MTUS2: variants seen among roughly 807,000 people sequenced by gnomAD.
The protein encoded by MTUS2 is microtubule associated scaffold protein 2, also known as microtubule-associated tumor suppressor candidate 2.
In MTUS2, 40 loss-of-function variants were observed where a neutral mutation model predicts 114.1. The observed-to-expected ratio is 0.35, with a 90% CI of 0.27 to 0.46. The LOEUF (loss-of-function observed/expected upper bound fraction) is 0.46, where lower values mean the gene tolerates loss of function less well. MTUS2 is among the 20% of genes least tolerant of loss of function. MTUS2 has a pLI of 1.00. For missense variants in MTUS2, 1,679 were observed against 1,705.4 expected (o/e 0.98, Z 0.27); for synonymous variants, 688 against 672.0 (o/e 1.02, Z -0.37).
intron 9 of MTUS2, among the ~76,000 whole-genome samples, chr13:29,477,791 G>C (rs769383499): frequency 2.0e-5 from 3 of 151,696 alleles, no homozygotes; most frequent in African/African-American, 4.8e-5. Flanking sequence ...ATATATAATT[G>C]GTCCATTTTG....
chr13:29,014,883 C>T (rs563152823), intron 2 of MTUS2, among the ~76,000 whole-genome samples: 11 of 152,266 alleles, frequency 7.2e-5, no homozygotes, highest in African/African-American at 1.4e-4. Flanking sequence ...GAGCAAAGTC[C>T]GGGAGCATGG....
At chr13:28,896,706 A>G (rs1837573460) in intron 2 of MTUS2, among the ~76,000 whole-genome samples, 2 of 152,250 alleles carry the variant, frequency 1.3e-5, no homozygotes, top group African/African-American at 4.8e-5. Flanking sequence ...AAACAGAGAT[A>G]TAGACCAATG....
At chr13:28,920,317 A>G (rs1880973253) in intron 2 of MTUS2, among the ~76,000 whole-genome samples, 1 of 152,238 alleles carries the variant, frequency 6.6e-6, no homozygotes, top group South Asian at 2.1e-4. Flanking sequence ...TTGCAGACAC[A>G]TAGAGGTGCT....
At chr13:29,473,623 TA>T (rs1223843151) in intron 9 of MTUS2, among the ~76,000 whole-genome samples, 1 of 152,238 alleles carries the variant, frequency 6.6e-6, no homozygotes, top group Non-Finnish European at 1.5e-5. Flanking sequence ...TAGGTATTTT[TA>T]TATCAGATGT....
intron 8 of MTUS2, among the ~76,000 whole-genome samples, chr13:29,418,460 G>A (rs1332995712): frequency 1.3e-5 from 2 of 152,164 alleles, no homozygotes; most frequent in Non-Finnish European, 1.5e-5. Flanking sequence ...TGCTCATACA[G>A]ATCAAGTAAG....
At chr13:29,222,147 G>A (rs1054863939) in intron 5 of MTUS2, among the ~76,000 whole-genome samples, 3 of 152,182 alleles carry the variant, frequency 2.0e-5, no homozygotes, top group Non-Finnish European at 2.9e-5. Flanking sequence ...ATAACTGGCA[G>A]TTCAGGAACT....
chr13:28,935,006 G>GTTTTTTTTTTTTTTTTTT (rs775863792), intron 2 of MTUS2, among the ~76,000 whole-genome samples: 2 of 41,438 alleles, frequency 4.8e-5, no homozygotes, highest in African/African-American at 2.5e-4. Flanking sequence ...TCTCCATAGC[G>GTTTTTTTTTTTTTTTTTT]TTTTTTTTTT....
intron 4 of MTUS2, among the ~76,000 whole-genome samples, chr13:29,075,811 A>G (rs902001627): frequency 6.6e-6 from 1 of 152,206 alleles, no homozygotes; most frequent in Non-Finnish European, 1.5e-5. Flanking sequence ...ATCATTGCCT[A>G]GAAGTCATTT....
intron 5 of MTUS2, among the ~76,000 whole-genome samples, chr13:29,202,072 T>C (rs1894981967): frequency 6.6e-6 from 1 of 152,200 alleles, no homozygotes; most frequent in African/African-American, 2.4e-5. Flanking sequence ...TTGAGGAAGT[T>C]CTCCTGAATA....
intron 7 of MTUS2, among the ~76,000 whole-genome samples, chr13:29,336,423 G>T (rs1204091386): frequency 6.6e-6 from 1 of 152,144 alleles, no homozygotes; most frequent in Non-Finnish European, 1.5e-5. Flanking sequence ...ACTAGAGTTT[G>T]CTGGAGGTCC....
intron 2 of MTUS2, among the ~76,000 whole-genome samples, chr13:28,922,786 G>T (rs1171596389): frequency 4.6e-5 from 7 of 152,212 alleles, no homozygotes; most frequent in African/African-American, 1.2e-4. Flanking sequence ...TTAAAACCAG[G>T]TACTATGAGT....
chr13:29,389,680 T>C (rs1272136142), intron 8 of MTUS2, among the ~76,000 whole-genome samples: 1 of 144,974 alleles, frequency 6.9e-6, no homozygotes, highest in African/African-American at 2.6e-5. Flanking sequence ...TATATACATA[T>C]ATGTATGTAT....
At chr13:29,128,029 C>T (rs570635961) in intron 5 of MTUS2, among the ~76,000 whole-genome samples, 1 of 152,136 alleles carries the variant, frequency 6.6e-6, no homozygotes, top group Non-Finnish European at 1.5e-5. Flanking sequence ...AATGGAGGTG[C>T]GTACAGAGGA....
chr13:29,014,117 G>T (rs137989156), intron 2 of MTUS2, among the ~76,000 whole-genome samples: 5 of 151,986 alleles, frequency 3.3e-5, no homozygotes, highest in Admixed American at 2.6e-4. Flanking sequence ...TGCTTTTCTC[G>T]CCTCCCTAAC....
At chr13:29,048,194 A>T (rs188172162) in intron 4 of MTUS2, among the ~76,000 whole-genome samples, 11 of 152,132 alleles carry the variant, frequency 7.2e-5, no homozygotes, top group Admixed American at 3.3e-4. Flanking sequence ...AAACATTGAC[A>T]TTTTTTTCTC....
chr13:29,276,747 C>A (rs553441090), intron 5 of MTUS2, among the ~76,000 whole-genome samples: 4 of 151,994 alleles, frequency 2.6e-5, no homozygotes, highest in African/African-American at 9.6e-5. Context: ...AAAATACAAA[C>A]ATTAGCCAGC....
chr13:28,835,115 A>G (rs1296531023), intron 1 of MTUS2, among the ~76,000 whole-genome samples: 1 of 152,226 alleles, frequency 6.6e-6, no homozygotes, highest in East Asian at 1.9e-4. Context: ...ATAGTTACTC[A>G]AATTATAGGC....
chr13:29,435,300 A>G (rs900976863), intron 8 of MTUS2, among the ~76,000 whole-genome samples: 5 of 152,164 alleles, frequency 3.3e-5, no homozygotes, highest in Non-Finnish European at 7.4e-5. Context: ...ACTGAGTTCT[A>G]TTTTTAGCCC....
intron 2 of MTUS2, among the ~76,000 whole-genome samples, chr13:28,869,501 A>G (rs1330900426): frequency 1.3e-5 from 2 of 152,200 alleles, no homozygotes; most frequent in African/African-American, 2.4e-5. Flanking sequence ...GGCCAGGCAC[A>G]GTGGCTTATA....
Sources: gnomAD v4.1 joint callset for allele counts (sites outside exome capture counted in the v4.1 genomes callset) on GRCh38, gnomAD v4.1.1 for gene constraint, MANE v1.5 for transcripts, NCBI Gene and HGNC (gene_info 2026-07-23, HGNC 2026-07-21) for gene names.